Variants in OSBPL8 observed in about 807,000 individuals in gnomAD.
OSBPL8 encodes the protein oxysterol binding protein like 8, also known as oxysterol-binding protein-related protein 8.
A neutral mutation model predicts 125.5 loss-of-function variants in OSBPL8; 59 were observed. The ratio of observed to expected loss-of-function variants is 0.47; its 90% confidence interval spans 0.38 to 0.58. The LOEUF (loss-of-function observed/expected upper bound fraction) is 0.58. OSBPL8 is among the 20% of genes least tolerant of loss of function. The pLI, the probability that OSBPL8 is intolerant of heterozygous loss-of-function variation, is 0.00. For missense variants in OSBPL8, 758 were observed against 1,047.8 expected (o/e 0.72, Z 3.82); for synonymous variants, 330 against 338.9 (o/e 0.97, Z 0.29).
chr12:76,447,437 T>C (rs1872836188), intron 4 of OSBPL8, among the ~76,000 whole-genome samples: 1 of 152,222 alleles, frequency 6.6e-6, no homozygotes, highest in African/African-American at 2.4e-5. Flanking sequence ...ATTTAACTTC[T>C]AGTTTACAGA....
intron 16 of OSBPL8, among the ~76,000 whole-genome samples, chr12:76,377,007 T>C (rs974745376): frequency 6.6e-6 from 1 of 152,182 alleles, no homozygotes; most frequent in Non-Finnish European, 1.5e-5. Context: ...CTCCCACTTA[T>C]GAGTGAGATC....
At chr12:76,521,254 G>T (rs189262141) in intron 1 of OSBPL8, among the ~76,000 whole-genome samples, 11 of 152,098 alleles carry the variant, frequency 7.2e-5, no homozygotes, top group Non-Finnish European at 1.3e-4. Flanking sequence ...ATAAAGGGGC[G>T]TAAATAACAA....
chr12:76,548,317 G>C (rs987089656), intron 1 of OSBPL8, among the ~76,000 whole-genome samples: 1 of 152,104 alleles, frequency 6.6e-6, no homozygotes, highest in Non-Finnish European at 1.5e-5. Flanking sequence ...ACCTTTAAGA[G>C]TGACATGGAA....
intron 8 of OSBPL8, among the ~76,000 whole-genome samples, chr12:76,395,664 A>G (rs565142161): frequency 3.3e-4 from 51 of 152,332 alleles, no homozygotes; most frequent in African/African-American, 1.1e-3. Flanking sequence ...CCATGCTAGA[A>G]AAACAGGGTT....
intron 1 of OSBPL8, among the ~76,000 whole-genome samples, chr12:76,526,072 C>T (rs1211359348): frequency 6.6e-6 from 1 of 152,182 alleles, no homozygotes; most frequent in Non-Finnish European, 1.5e-5. Flanking sequence ...GTAAGTTGTA[C>T]ATGAAAAGTT....
chr12:76,442,187 C>T (rs1458208368), intron 4 of OSBPL8, among the ~76,000 whole-genome samples: 3 of 152,130 alleles, frequency 2.0e-5, no homozygotes, highest in African/African-American at 7.2e-5. Flanking sequence ...CAGCTGCCCC[C>T]TATCTTTGTA....
intron 1 of OSBPL8, among the ~76,000 whole-genome samples, chr12:76,548,944 G>A (rs1209371008): frequency 6.6e-6 from 1 of 151,912 alleles, no homozygotes; most frequent in Non-Finnish European, 1.5e-5. Context: ...AGATAAATTA[G>A]ACACAAGGAG....
At chr12:76,367,036 T>C (rs987302415) in intron 21 of OSBPL8, among the ~76,000 whole-genome samples, 2 of 152,196 alleles carry the variant, frequency 1.3e-5, no homozygotes, top group Non-Finnish European at 2.9e-5. Flanking sequence ...GGTGGATTGT[T>C]CTATGTGTCT....
Position 76,371,439 on chromosome 12 carries a change from T to C in OSBPL8, c.2054+9A>G. On this transcript the variant is annotated intron_variant, in intron 19 of 23. Coordinates refer to ENST00000261183, the MANE Select transcript of OSBPL8 (RefSeq NM_020841.5). ...CCTCATGAAGTTAGCTGTAAAACAG[T>C]ATACTTACTTCTCTGATTCAAAATC... The C allele has an allele frequency of 6.3e-7, 1 of 1,597,904 alleles. No homozygotes were observed. The highest frequency in any genetic ancestry group is 8.5e-7 in the Non-Finnish European group (1 of 1,172,572).
At chr12:76,373,295 T>C (rs752915275) in intron 18 of OSBPL8, 49 bp downstream of exon 18, 193 of 1,233,790 alleles carry the variant, frequency 1.6e-4, no homozygotes, top group Non-Finnish European at 2.0e-4. Context: ...ATTTTTTTTT[T>C]CCCACAGAAT....
At chr12:76,427,342 CATATGTGT>C (rs1565888525) in intron 4 of OSBPL8, among the ~76,000 whole-genome samples, 1 of 151,926 alleles carries the variant, frequency 6.6e-6, no homozygotes, top group Non-Finnish European at 1.5e-5. Flanking sequence ...TATACTCGCA[CATATGTGT>C]ATATGTGTAT....
At chr12:76,453,287 T>C (rs1055507928) in intron 3 of OSBPL8, among the ~76,000 whole-genome samples, 2 of 152,198 alleles carry the variant, frequency 1.3e-5, no homozygotes, top group African/African-American at 4.8e-5. Flanking sequence ...ACCAACTTTA[T>C]ATTTTTATAA....
At chr12:76,412,814 C>T (rs1264312370) in intron 4 of OSBPL8, among the ~76,000 whole-genome samples, 1 of 152,142 alleles carries the variant, frequency 6.6e-6, no homozygotes, top group African/African-American at 2.4e-5. Flanking sequence ...AAACTTAGGT[C>T]TACATTTAAA....
chr12:76,436,161 G>A (rs1871417000), intron 4 of OSBPL8, among the ~76,000 whole-genome samples: 1 of 151,964 alleles, frequency 6.6e-6, no homozygotes, highest in South Asian at 2.1e-4. Context: ...TTATATATTG[G>A]TGCCAATGCT....
At chr12:76,445,729 A>AGCTC (rs1872659892) in intron 4 of OSBPL8, among the ~76,000 whole-genome samples, 1 of 152,196 alleles carries the variant, frequency 6.6e-6, no homozygotes, top group Non-Finnish European at 1.5e-5. Context: ...GCCACTGGAC[A>AGCTC]GCTCACACAC....
At chr12:76,553,123 G>A (rs73138839) in intron 1 of OSBPL8, among the ~76,000 whole-genome samples, 2,515 of 152,070 alleles carry the variant, frequency 0.017, 27 homozygotes, top group Non-Finnish European at 0.025. Context: ...TACTCTACCC[G>A]GTAATAATGT....
rs1416717523 is a variant in OSBPL8 at position 76,398,868 on chromosome 12, G to A, written c.469-971C>T. Among the ~76,000 whole-genome samples, 5 of 152,140 alleles carry A rather than the reference G, an allele frequency of 3.3e-5. No individual in the cohort carries two copies. The South Asian group carries it at 8.3e-4, about 25-fold the overall frequency. On this transcript the variant is annotated intron_variant, in intron 7 of 23. Transcript: ENST00000261183. The stretch of plus-strand genomic sequence containing the variant: ...AATGGTAAGACAAGAGAGGCGAAAG[G>A]GAGATAGGTACCCTGAAATAACATT...
intron 10 of OSBPL8, among the ~76,000 whole-genome samples, chr12:76,391,832 C>T (rs930849259): frequency 6.6e-6 from 1 of 151,688 alleles, no homozygotes; most frequent in Non-Finnish European, 1.5e-5. Flanking sequence ...GAAGAAATGT[C>T]TAAATCAGGC....
intron 2 of OSBPL8, among the ~76,000 whole-genome samples, chr12:76,475,639 CT>C (rs1466678816): frequency 6.6e-6 from 1 of 152,180 alleles, no homozygotes; most frequent in African/African-American, 2.4e-5. Context: ...AAGCCAATTG[CT>C]TTTGCAAGTA....
Sources: allele counts gnomAD v4.1 joint callset (sites outside exome capture counted in the v4.1 genomes callset), GRCh38; gene constraint gnomAD v4.1.1; transcripts MANE v1.5; gene names NCBI Gene and HGNC (gene_info 2026-07-23, HGNC 2026-07-21).